Variants in LRRTM4 observed in about 807,000 individuals in gnomAD.
The protein encoded by LRRTM4 is leucine-rich repeat transmembrane neuronal protein 4.
A neutral mutation model predicts 47.6 loss-of-function variants in LRRTM4; 25 were observed. The observed-to-expected ratio is 0.53, with a 90% CI of 0.38 to 0.73. The LOEUF is 0.73. Ranked by LOEUF, LRRTM4 falls within the 30% of genes least tolerant of loss-of-function variation. LRRTM4 has a pLI of 0.00. For synonymous variants in LRRTM4, 311 were observed against 269.5 expected (o/e 1.15, Z -1.51); for missense variants, 638 against 713.4 (o/e 0.89, Z 1.20).
chr2:76,901,386 T>G (rs2103745453), intron 3 of LRRTM4, among the ~76,000 whole-genome samples: 1 of 152,310 alleles, frequency 6.6e-6, no homozygotes, highest in South Asian at 2.1e-4. Flanking sequence ...TTATCTCATT[T>G]CTTACTATGT....
chr2:77,499,648 CA>C (rs1678497082), intron 3 of LRRTM4, among the ~76,000 whole-genome samples: 1 of 151,832 alleles, frequency 6.6e-6, no homozygotes, highest in Non-Finnish European at 1.5e-5. Flanking sequence ...ACTAGATGAA[CA>C]ACAAAAAAGC....
chr2:76,764,318 T>A (rs1053608871), intron 3 of LRRTM4, among the ~76,000 whole-genome samples: 1 of 152,178 alleles, frequency 6.6e-6, no homozygotes, highest in African/African-American at 2.4e-5. Context: ...GGACCATTAC[T>A]TGATAAAGTG....
chr2:76,878,123 G>A (rs1048478502), intron 3 of LRRTM4, among the ~76,000 whole-genome samples: 3 of 152,064 alleles, frequency 2.0e-5, no homozygotes, highest in Admixed American at 2.0e-4. Flanking sequence ...ATTTTTCATT[G>A]TTATTATATC....
chr2:76,879,444 C>T (rs1672867630), intron 3 of LRRTM4, among the ~76,000 whole-genome samples: 2 of 152,146 alleles, frequency 1.3e-5, no homozygotes, highest in African/African-American at 4.8e-5. Flanking sequence ...GCCTAGAAGA[C>T]AGAACATCTG....
intron 3 of LRRTM4, among the ~76,000 whole-genome samples, chr2:77,270,550 A>G (rs987412341): frequency 1.3e-5 from 2 of 152,210 alleles, no homozygotes; most frequent in Non-Finnish European, 2.9e-5. Flanking sequence ...TCCTTTTTAT[A>G]AGCCTGAAAC....
At chr2:76,795,998 C>G (rs1408681301) in intron 3 of LRRTM4, among the ~76,000 whole-genome samples, 1 of 143,724 alleles carries the variant, frequency 7.0e-6, no homozygotes, top group Admixed American at 6.9e-5. Context: ...CATTGCCTCA[C>G]TTGGGAAGCG....
chr2:77,171,138 G>C lies in LRRTM4; in HGVS notation c.1551+347180C>G, dbSNP rs142288317. Among the ~76,000 whole-genome samples, 495 of 152,104 alleles carry C rather than the reference G, an allele frequency of 3.3e-3. 1 individual carries two copies. Among genetic ancestry groups the C allele is most frequent in the Non-Finnish European group, 5.7e-3 (386 of 67,992 alleles). On this transcript the variant is annotated intron_variant, in intron 3 of 3. Transcript: ENST00000409884. ...ACCAGCTTAATGAGGAAATAAGTTT[G>C]GGAGATAATTTTTGTGCAAATCAAT...
chr2:77,398,545 C>T (rs1404925495), intron 3 of LRRTM4, among the ~76,000 whole-genome samples: 1 of 151,758 alleles, frequency 6.6e-6, no homozygotes, highest in Non-Finnish European at 1.5e-5. Flanking sequence ...AATTACAGAA[C>T]AACTTCAGTT....
chr2:77,390,852 A>C (rs1415183229), intron 3 of LRRTM4, among the ~76,000 whole-genome samples: 2 of 151,782 alleles, frequency 1.3e-5, no homozygotes, highest in African/African-American at 4.8e-5. Context: ...AAACAACTAT[A>C]CTTTAATTTT....
At chr2:77,408,037 T>C (rs929847609) in intron 3 of LRRTM4, among the ~76,000 whole-genome samples, 9 of 152,116 alleles carry the variant, frequency 5.9e-5, no homozygotes, top group Non-Finnish European at 1.0e-4. Context: ...AATCAAAGTC[T>C]ATAGTCACAC....
chr2:76,764,610 G>A (rs1276440329), intron 3 of LRRTM4, among the ~76,000 whole-genome samples: 4 of 151,856 alleles, frequency 2.6e-5, no homozygotes, highest in Non-Finnish European at 2.9e-5. Flanking sequence ...CAGCCTGGGC[G>A]ACAGAGCTAG....
chr2:76,756,444 G>T (rs1002337175), intron 3 of LRRTM4, among the ~76,000 whole-genome samples: 1 of 151,946 alleles, frequency 6.6e-6, no homozygotes, highest in African/African-American at 2.4e-5. Context: ...AGGCTTCTTG[G>T]GTTTATCTTT....
intron 3 of LRRTM4, among the ~76,000 whole-genome samples, chr2:76,808,289 G>C (rs1670619291): frequency 1.3e-5 from 2 of 152,172 alleles, no homozygotes; most frequent in African/African-American, 4.8e-5. Context: ...AAGTGCTGGA[G>C]TGAGCCACCG....
At chr2:77,333,710 T>C (rs1449757920) in intron 3 of LRRTM4, among the ~76,000 whole-genome samples, 1 of 152,154 alleles carries the variant, frequency 6.6e-6, no homozygotes, top group Non-Finnish European at 1.5e-5. Flanking sequence ...GCTAGGGCAG[T>C]TCAAAAGGGA....
At chr2:77,303,103 C>G (rs528156069) in intron 3 of LRRTM4, among the ~76,000 whole-genome samples, 1 of 152,054 alleles carries the variant, frequency 6.6e-6, no homozygotes, top group Non-Finnish European at 1.5e-5. Context: ...GTATCTGCCT[C>G]ACTCCCTCTA....
rs1421947498 is a variant in LRRTM4, at chr2:77,477,883, GAAAGAAAGAA to G, written c.1551+40425_1551+40434del. Among the ~76,000 whole-genome samples the G allele has an allele frequency of 7.1e-3, 663 of 93,786 alleles. 19 individuals carry two copies. Among genetic ancestry groups the G allele is most frequent in the Admixed American group, 0.04 (339 of 8,554 alleles). The allele number at this position is 93,786 out of a possible 152,430, so 61.5% of individuals were successfully genotyped here. Reference sequence around the variant, plus strand: ...AAAGAGAGAGAGAAAGAAAGAAAGAGAAAGAAAGAAAAAGAAAGAAAAAGAAAGAAAGAAA... The same window carrying G: ...AAAGAGAGAGAGAAAGAAAGAAAGAGAAAGAAAGAAAAAGAAAGAAAGAAA... On this transcript the variant is annotated intron_variant, in intron 3 of 3. Transcript: ENST00000409884.
rs758828592 is a variant in LRRTM4 at position 77,519,398 on chromosome 2, C to T, written c.471G>A (p.Arg157=). 6.2e-7 allele frequency: 1 copy of T among 1,613,372 alleles called. No homozygotes were observed. The highest frequency in any genetic ancestry group is 8.5e-7 in the Non-Finnish European group (1 of 1,179,602). ...ATCTCAAGTGCAAAATGATGAGTTT[C>T]CGAAGGCCTTTAAATTGTTCAGATT... ...TLQSEQFKGL[R]KLIILHLRSN... is the part of the protein sequence containing the mutation. The change falls in exon 3 of 4, where the codon CGG becomes CGA. Residue 157 remains arginine, a synonymous_variant. Coordinates refer to ENST00000409884, the MANE Select transcript of LRRTM4 (RefSeq NM_001134745.3). This position sits in a 1 kb window ranked among gnomAD's most constrained non-coding sequence, Gnocchi z 4.6.
chr2:77,004,656 G>T (rs922376400), intron 3 of LRRTM4, among the ~76,000 whole-genome samples: 1 of 152,076 alleles, frequency 6.6e-6, no homozygotes, highest in Non-Finnish European at 1.5e-5. Flanking sequence ...GTGAGAATGG[G>T]GCCACCGTCC....
intron 3 of LRRTM4, among the ~76,000 whole-genome samples, chr2:77,196,842 G>A (rs1253618136): frequency 2.0e-5 from 3 of 152,136 alleles, no homozygotes; most frequent in Non-Finnish European, 4.4e-5. Flanking sequence ...ATATAAGTAT[G>A]GGAAATAAAC....
Sources: gnomAD v4.1 joint callset for allele counts (sites outside exome capture counted in the v4.1 genomes callset) on GRCh38, gnomAD v4.1.1 for gene constraint, Gnocchi (gnomAD v3.1) non-coding constraint, MANE v1.5 for transcripts, NCBI Gene and HGNC (gene_info 2026-07-23, HGNC 2026-07-21) for gene names.